Variants in ADAM20 observed in about 807,000 individuals in gnomAD.
ADAM20 encodes disintegrin and metalloproteinase domain-containing protein 20.
For missense variants in ADAM20, 871 were observed against 883.2 expected (o/e 0.99, Z 0.18); for synonymous variants, 305 against 310.2 (o/e 0.98, Z 0.18).
chr14:70,534,446 G>T (rs945398788), intron 1 of ADAM20, among the ~76,000 whole-genome samples: 2 of 151,904 alleles, frequency 1.3e-5, no homozygotes, highest in African/African-American at 2.4e-5. Context: ...TAACCAAAAG[G>T]TGGAAAAAAA....
chr14:70,553,437 A>C, the ADAM20 span, among the ~76,000 whole-genome samples: 2 of 148,632 alleles, frequency 1.3e-5, no homozygotes, highest in African/African-American at 4.9e-5. Context: ...CTACAAGGCC[A>C]GTATTACCCA....
chr14:70,526,138 A>G (rs1390634249), intron 1 of ADAM20, among the ~76,000 whole-genome samples: 1 of 152,238 alleles, frequency 6.6e-6, no homozygotes, highest in Admixed American at 6.5e-5. Flanking sequence ...TTTTGGCTCA[A>G]GTAAAAGCTA....
chr14:70,537,647 A>G (rs72719735), upstream of ADAM20, among the ~76,000 whole-genome samples: 5,526 of 152,252 alleles, frequency 0.036, 118 homozygotes, highest in Middle Eastern at 0.058. Context: ...TGGAACAAAA[A>G]CAGACACCCT....
the ADAM20 span, among the ~76,000 whole-genome samples, chr14:70,574,404 G>A: frequency 9.9e-5 from 15 of 151,994 alleles, no homozygotes; most frequent in East Asian, 2.7e-3. Flanking sequence ...ACTTTGGGAG[G>A]CCGAGGTGGG....
At chr14:70,565,204 TG>T in the ADAM20 span, among the ~76,000 whole-genome samples, 1 of 150,858 alleles carries the variant, frequency 6.6e-6, no homozygotes, top group Admixed American at 6.6e-5. Flanking sequence ...AACTCGAGGA[TG>T]GGCAATTTGA....
At chr14:70,532,782 A>G (rs1373416135) in intron 1 of ADAM20, among the ~76,000 whole-genome samples, 4 of 152,350 alleles carry the variant, frequency 2.6e-5, no homozygotes, top group Admixed American at 2.6e-4. Context: ...GATAAGGGTT[A>G]CTATCCAAAA....
At chr14:70,525,049 T>C in intron 1 of ADAM20, 116 bp from the exon 2 acceptor site, 1 of 892,644 alleles carries the variant, frequency 1.1e-6, no homozygotes, top group East Asian at 2.6e-5. Context: ...ATTAGGATTC[T>C]CTTAATACAT....
Position 70,524,500 on chromosome 14 carries a change from G to A in ADAM20, c.258C>T (p.His86=), listed in dbSNP as rs1267724300. The change falls in exon 2 of 2, where the codon CAC becomes CAT. Residue 86 remains histidine, a synonymous_variant. Coordinates refer to ENST00000256389, the MANE Select transcript of ADAM20 (RefSeq NM_003814.5). ...MRVNKLLFAA[H]LPVFTYTEQH... ...GCTCTGTGTAGGTGAACACAGGAAG[G>A]TGTGCAGCAAACAACAGCTTATTTA... 1.9e-6 allele frequency: 3 copies of A among 1,613,882 alleles called. No homozygotes were observed. The highest frequency in any genetic ancestry group is 1.7e-5 in the Admixed American group (1 of 59,960).
chr14:70,526,699 G>T (rs78473533), intron 1 of ADAM20, among the ~76,000 whole-genome samples: 156 of 152,234 alleles, frequency 1.0e-3, no homozygotes, highest in Middle Eastern at 3.4e-3. Context: ...AAGGAACATT[G>T]CCTTCCCATT....
chr14:70,523,729 C>G lies in ADAM20; in HGVS notation c.1029G>C (p.Glu343Asp). 6.2e-7 allele frequency: 1 copy of G among 1,614,066 alleles called. No individual in the cohort carries two copies. Among genetic ancestry groups the G allele is most frequent in the African/African-American group, 1.3e-5 (1 of 75,052 alleles). Residue 343 changes from glutamate (E) to aspartate (D), a missense_variant, in exon 2 of 2, where the codon GAG becomes GAC. Physicochemically the swap from Glu to Asp is conservative, Grantham distance 45. Transcript: ENST00000256389. ...LVVFAITLGH[E>D]LGHNLGMQHD... The stretch of plus-strand genomic sequence containing the variant: ...GTTGCATACCCAAATTATGACCAAG[C>G]TCGTGGCCCAAAGTAATTGCAAAAA...
the ADAM20 span, among the ~76,000 whole-genome samples, chr14:70,554,541 G>GAC: frequency 7.3e-5 from 11 of 151,554 alleles, 1 homozygote; most frequent in Middle Eastern, 6.9e-3. Context: ...CACACACACA[G>GAC]ACACACACAC....
Position 70,523,016 on chromosome 14 carries a change from A to C in ADAM20, c.1742T>G (p.Val581Gly), listed in dbSNP as rs746672650. ...VIPNLIEHST[V>G]QQFHLNDTTC... ...GGTGTCATTGAGGTGAAACTGCTGCACTGTAGAATGCTCTATCAGATTGGG... is the reference window on the plus strand; with the variant it reads ...GGTGTCATTGAGGTGAAACTGCTGCCCTGTAGAATGCTCTATCAGATTGGG... Residue 581 changes from valine to glycine, a missense_variant, in exon 2 of 2, where the codon GTG (valine) becomes GGG (glycine). By Grantham distance (109) the Val-to-Gly change is moderately radical. Transcript: ENST00000256389. 2.4e-5 allele frequency: 39 copies of C among 1,613,902 alleles called. No homozygotes were observed. Among genetic ancestry groups the C allele is most frequent in the Non-Finnish European group, 1.7e-6 (2 of 1,179,962 alleles).
chr14:70,577,811 GA>G, the ADAM20 span, among the ~76,000 whole-genome samples: 1 of 152,106 alleles, frequency 6.6e-6, no homozygotes, highest in Non-Finnish European at 1.5e-5. Flanking sequence ...ATGGAGTTGG[GA>G]AAACCGGATA....
chr14:70,535,502 C>G (rs1883814203), upstream of ADAM20, among the ~76,000 whole-genome samples: 1 of 152,144 alleles, frequency 6.6e-6, no homozygotes, highest in Admixed American at 6.5e-5. Flanking sequence ...ATCCCCTAGT[C>G]TCCTTTACTA....
chr14:70,577,122 T>G, the ADAM20 span, among the ~76,000 whole-genome samples: 1 of 152,132 alleles, frequency 6.6e-6, no homozygotes, highest in Non-Finnish European at 1.5e-5. Context: ...ATTTCCCAAC[T>G]CATATGATGC....
rs1301541036 is a variant in ADAM20, at chr14:70,524,689, C to CA, written c.68dup (p.Leu23PhefsTer42). 1 of 1,613,908 alleles carries CA rather than the reference C, an allele frequency of 6.2e-7. No individual in the cohort carries two copies. The highest frequency in any genetic ancestry group is 8.5e-7 in the Non-Finnish European group (1 of 1,179,922). On this transcript the variant is annotated frameshift_variant, in exon 2 of 2. Transcript: ENST00000256389. LOFTEE classifies it low-confidence loss of function (END_TRUNC). The stretch of plus-strand genomic sequence containing the variant: ...TGGCCTGAGAGTGGCCAGAAATAGA[C>CA]AAAAACATCCCAAACCAGAGCAGCA...
intron 1 of ADAM20, among the ~76,000 whole-genome samples, chr14:70,525,602 A>G (rs1883573340): frequency 6.6e-6 from 1 of 152,110 alleles, no homozygotes; most frequent in Non-Finnish European, 1.5e-5. Context: ...TGCACATTCA[A>G]TAAGTATATG....
rs192108977 is a variant in ADAM20 at position 70,524,995 on chromosome 14, A to G, written c.-176-62T>C. The G allele has an allele frequency of 8.8e-4, 1,218 of 1,379,830 alleles. 13 individuals are homozygous for G. The highest frequency in any genetic ancestry group is 3.2e-4 in the Non-Finnish European group (324 of 1,013,800). 85.5% of individuals were successfully genotyped at this position (1,379,830 alleles called of 1,614,324 possible). ...GGAGAAAGAGAGAGAGAAAAAAGGC[A>G]AAGTGATTCCTGCATTTGGACCATA... On this transcript the variant is annotated intron_variant, in intron 1 of 1. Transcript: ENST00000256389.
At chr14:70,554,737 G>A in the ADAM20 span, among the ~76,000 whole-genome samples, 1 of 152,188 alleles carries the variant, frequency 6.6e-6, no homozygotes, top group African/African-American at 2.4e-5. Flanking sequence ...GTGGTTGCTA[G>A]GAGCTAGGGG....
Sources: gnomAD v4.1 joint callset for allele counts (sites outside exome capture counted in the v4.1 genomes callset) on GRCh38, gnomAD v4.1.1 for gene constraint, MANE v1.5 for transcripts, NCBI Gene and HGNC (gene_info 2026-07-23, HGNC 2026-07-21) for gene names.